The following BNIP3L variants were observed in gnomAD, a reference collection of about 807,000 sequenced individuals.
The protein encoded by BNIP3L is BCL2/adenovirus E1B 19 kDa protein-interacting protein 3-like.
Under a neutral mutation model 25.5 loss-of-function variants are expected in BNIP3L, and 10 were observed. That is an observed-to-expected ratio of 0.39 (90% CI 0.24 to 0.67). The LOEUF (loss-of-function observed/expected upper bound fraction) is 0.67, where lower values mean the gene tolerates loss of function less well. BNIP3L is among the 30% of genes least tolerant of loss of function. The probability of loss-of-function intolerance (pLI) is 0.45; values close to 1 mark genes in which losing one functional copy is unlikely to be tolerated. For missense variants in BNIP3L, 215 were observed against 270.9 expected (o/e 0.79, Z 1.45); for synonymous variants, 113 against 101.2 (o/e 1.12, Z -0.70).
At chr8:26,383,432 GTC>G (rs1426690765) in intron 1 of BNIP3L, 1 of 1,400,668 alleles carries the variant, frequency 7.1e-7, no homozygotes, top group East Asian at 2.8e-5. Context: ...GCCTCCTGGG[GTC>G]TTGGGCCCGG....
chr8:26,383,997 C>T (rs1008359271), intron 1 of BNIP3L, among the ~76,000 whole-genome samples: 1 of 151,912 alleles, frequency 6.6e-6, no homozygotes, highest in Non-Finnish European at 1.5e-5. Context: ...TGGGGCCATG[C>T]ATTTAAAGAA....
chr8:26,403,868 G>A (rs1273719892), intron 3 of BNIP3L, among the ~76,000 whole-genome samples: 2 of 152,062 alleles, frequency 1.3e-5, no homozygotes, highest in Non-Finnish European at 2.9e-5. Context: ...TCCAGTGAAA[G>A]CAATGATATT....
At position 26,410,972 on chromosome 8, in the gene BNIP3L, TAAAA is replaced by T. The variant is rs992217162; in HGVS notation, c.*565_*568del. On this transcript the variant is annotated 3_prime_UTR_variant, in exon 6 of 6. Coordinates refer to ENST00000380629, the MANE Select transcript of BNIP3L (RefSeq NM_004331.3). ...CACAACAAAAAAATATCCTGGGCAA[TAAAA>T]AAAATATTTTAAACCAGCTTTGGAG... 1 of 151,140 alleles carries T rather than the reference TAAAA, an allele frequency of 6.6e-6. No homozygotes were observed. The allele number at this position is 151,140 out of a possible 1,614,324, so 9.4% of individuals were successfully genotyped here.
chr8:26,403,068 A>G (rs77740335), intron 3 of BNIP3L, among the ~76,000 whole-genome samples: 6,861 of 152,268 alleles, frequency 0.045, 155 homozygotes, highest in Middle Eastern at 0.065. Context: ...GCCAGTGTTG[A>G]TCCCTTCTCA....
rs778108649 is a variant in BNIP3L at position 26,383,096 on chromosome 8, C to A, written c.-35C>A. Reference sequence around the variant, plus strand: ...TTGCTGCCTGAGTGCCGGAGACGGTCCTGCTGCTGCCGCAGTCCTGCCAGC... The same window carrying A: ...TTGCTGCCTGAGTGCCGGAGACGGTACTGCTGCTGCCGCAGTCCTGCCAGC... On this transcript the variant is annotated 5_prime_UTR_variant, in exon 1 of 6. Coordinates refer to ENST00000380629, the MANE Select transcript of BNIP3L (RefSeq NM_004331.3). The A allele has an allele frequency of 1.3e-6, 2 of 1,549,052 alleles. No individual in the cohort carries two copies. The highest frequency in any genetic ancestry group is 1.4e-5 in the African/African-American group (1 of 73,736).
chr8:26,383,634 G>C (rs1031272144), intron 1 of BNIP3L: 1 of 334,880 alleles, frequency 3.0e-6, no homozygotes, highest in East Asian at 1.8e-4. Flanking sequence ...GGGACGCCGG[G>C]GGATGGACGC....
chr8:26,389,528 T>C (rs1169617012), intron 1 of BNIP3L, among the ~76,000 whole-genome samples: 1 of 152,206 alleles, frequency 6.6e-6, no homozygotes, highest in Non-Finnish European at 1.5e-5. Context: ...CTGTGTCGTT[T>C]GGCAGCAGAG....
intron 3 of BNIP3L, among the ~76,000 whole-genome samples, chr8:26,400,559 A>G (rs1806346823): frequency 1.4e-5 from 2 of 142,020 alleles, no homozygotes; most frequent in African/African-American, 5.3e-5. Flanking sequence ...GCCAAAATTG[A>G]CAAATGGGAT....
chr8:26,385,718 A>G (rs149677489), intron 1 of BNIP3L, among the ~76,000 whole-genome samples: 108 of 152,276 alleles, frequency 7.1e-4, no homozygotes, highest in African/African-American at 2.6e-3. Flanking sequence ...CTTGGCTGAC[A>G]TCAGCTCTTA....
In BNIP3L at chr8:26,411,882, A is replaced by G. The variant is rs1399112772; in HGVS notation, c.*1470A>G. The stretch of plus-strand genomic sequence containing the variant: ...ACCGTTGTTAATTTTAAAACTAGCA[A>G]TCTATAAAGTGCACCAGGTCAACTT... On this transcript the variant is annotated 3_prime_UTR_variant, in exon 6 of 6. Transcript: ENST00000380629. 3.3e-5 allele frequency: 5 copies of G among 152,626 alleles called. No homozygotes were observed. Among genetic ancestry groups the G allele is most frequent in the Non-Finnish European group, 5.9e-5 (4 of 68,032 alleles). The allele number at this position is 152,626 out of a possible 1,614,324, so 9.5% of individuals were successfully genotyped here.
chr8:26,386,173 A>AT (rs3840706), intron 1 of BNIP3L, among the ~76,000 whole-genome samples: 111 of 151,612 alleles, frequency 7.3e-4, no homozygotes, highest in South Asian at 1.7e-3. Flanking sequence ...TATTTTTGTG[A>AT]TTTTTTTTTA....
Position 26,410,668 on chromosome 8 carries a change from G to A in BNIP3L, c.*256G>A. 2.1e-6 allele frequency: 1 copy of A among 477,588 alleles called. No homozygotes were observed. The highest frequency in any genetic ancestry group is 3.8e-5 in the East Asian group (1 of 26,636). 29.6% of individuals were successfully genotyped at this position (477,588 alleles called of 1,614,324 possible). A position where few individuals can be genotyped will look rare whatever the true frequency, so the allele number is the denominator to read the frequency against. On this transcript the variant is annotated 3_prime_UTR_variant, in exon 6 of 6. Coordinates refer to ENST00000380629, the MANE Select transcript of BNIP3L (RefSeq NM_004331.3). ...TTACTGTTGTTTAGAAATTTGCAAG[G>A]GCTTCTTTTCCGCAAATGCCACCAG...
At chr8:26,400,111 A>G (rs1341336858) in intron 3 of BNIP3L, among the ~76,000 whole-genome samples, 8 of 150,364 alleles carry the variant, frequency 5.3e-5, no homozygotes, top group South Asian at 2.1e-4. Context: ...CGCCAAGTCA[A>G]TCCTAAGCCA....
rs1806379798 is a variant in BNIP3L at position 26,401,580 on chromosome 8, A to G, written c.357+6278A>G. Among the ~76,000 whole-genome samples, 3 of 151,578 alleles carry G rather than the reference A, an allele frequency of 2.0e-5. No individual in the cohort carries two copies. The South Asian group carries it at 6.2e-4, about 32-fold the overall frequency. On this transcript the variant is annotated intron_variant, in intron 3 of 5. Coordinates refer to ENST00000380629, the MANE Select transcript of BNIP3L (RefSeq NM_004331.3). The stretch of plus-strand genomic sequence containing the variant: ...TTAAATTAAAAAAAAAAAACAAAAA[A>G]AAAAACCTACCAGTGGAGGTACAAA...
chr8:26,385,292 C>T (rs1805968466), intron 1 of BNIP3L, among the ~76,000 whole-genome samples: 1 of 150,618 alleles, frequency 6.6e-6, no homozygotes, highest in African/African-American at 2.4e-5. Flanking sequence ...CCTTTAACAA[C>T]AACAACAAAA....
chr8:26,384,194 A>G (rs1284513264), intron 1 of BNIP3L, among the ~76,000 whole-genome samples: 1 of 152,104 alleles, frequency 6.6e-6, no homozygotes, highest in Admixed American at 6.5e-5. Context: ...AACTCTTGGG[A>G]AAGAGGTAAT....
intron 1 of BNIP3L, among the ~76,000 whole-genome samples, chr8:26,386,269 TC>T (rs1019865591): frequency 2.0e-5 from 3 of 152,226 alleles, no homozygotes; most frequent in African/African-American, 7.2e-5. Flanking sequence ...AAGGATGTTG[TC>T]CAGTTTGTTT....
In BNIP3L at chr8:26,408,095, T is replaced by G. The variant is rs778789585; in HGVS notation, c.453T>G (p.Ile151Met). The change falls in exon 4 of 6, where the codon ATT (isoleucine) becomes ATG (methionine). Residue 151 changes from isoleucine to methionine, a missense_variant. Ile to Met is a conservative substitution (Grantham distance 10, BLOSUM62 1). Around this residue, in one of 4 missense-constraint regions of BNIP3L, gnomAD observed 63 missense variants for 98.8 expected, o/e 0.64. Coordinates refer to ENST00000380629, the MANE Select transcript of BNIP3L (RefSeq NM_004331.3). The stretch of plus-strand genomic sequence containing the variant: ...ACTGGTCCAGTAGACCCGAAAACAT[T>G]CCACCCAAGTGAGTTCTCACATGTT... ...VSDWSSRPEN[I>M]PPKEFHFRHP... is the part of the protein sequence containing the mutation. 4 of 1,614,134 alleles carry G rather than the reference T, an allele frequency of 2.5e-6. No individual in the cohort carries two copies. The South Asian group carries it at 3.3e-5, about 13-fold the overall frequency.
chr8:26,389,516 A>G (rs576362583), intron 1 of BNIP3L, among the ~76,000 whole-genome samples: 3 of 152,296 alleles, frequency 2.0e-5, no homozygotes, highest in South Asian at 2.1e-4. Flanking sequence ...GATGTTGTAC[A>G]ACTGTGTCGT....
Sources: gnomAD v4.1 joint callset for allele counts (sites outside exome capture counted in the v4.1 genomes callset) on GRCh38, gnomAD v4.1.1 for gene constraint, gnomAD v4.1.1 regional missense constraint, MANE v1.5 for transcripts, NCBI Gene and HGNC (gene_info 2026-07-23, HGNC 2026-07-21) for gene names.